Variants in KCNB2 observed in about 807,000 individuals in gnomAD.
The protein encoded by KCNB2 is potassium voltage-gated channel subfamily B member 2, also known as delayed rectifier potassium channel protein.
KCNB2 carries 15 observed loss-of-function variants against 61.5 expected under a neutral mutation model. That is an observed-to-expected ratio of 0.24 (90% CI 0.16 to 0.38). KCNB2 has a LOEUF of 0.38. KCNB2 is among the 10% of genes least tolerant of loss of function. The probability of loss-of-function intolerance (pLI) is 1.00; values close to 1 mark genes in which losing one functional copy is unlikely to be tolerated. For missense variants in KCNB2, 828 were observed against 1,125.2 expected (o/e 0.74, Z 3.78); for synonymous variants, 457 against 446.0 (o/e 1.02, Z -0.31).
chr8:72,602,539 T>C (rs745788948), intron 2 of KCNB2, among the ~76,000 whole-genome samples: 1 of 152,206 alleles, frequency 6.6e-6, no homozygotes, highest in African/African-American at 2.4e-5. Flanking sequence ...ATAGGCAGAC[T>C]CTAGTCATTT....
At chr8:72,706,640 A>G (rs956756802) in intron 2 of KCNB2, among the ~76,000 whole-genome samples, 2 of 152,104 alleles carry the variant, frequency 1.3e-5, no homozygotes, top group Non-Finnish European at 2.9e-5. Context: ...TGTGCTGAAC[A>G]CTCCATGAGT....
At chr8:72,764,582 GT>G (rs1475027177) in intron 2 of KCNB2, among the ~76,000 whole-genome samples, 1 of 152,180 alleles carries the variant, frequency 6.6e-6, no homozygotes, top group African/African-American at 2.4e-5. Flanking sequence ...CTTTTGGACA[GT>G]TGATGTACAC....
At chr8:72,596,781 T>C (rs1807198483) in intron 2 of KCNB2, among the ~76,000 whole-genome samples, 1 of 152,144 alleles carries the variant, frequency 6.6e-6, no homozygotes, top group African/African-American at 2.4e-5. Context: ...TAAAAAATCA[T>C]CTTCCATCAT....
chr8:72,681,593 A>G (rs1288875097), intron 2 of KCNB2, among the ~76,000 whole-genome samples: 1 of 152,182 alleles, frequency 6.6e-6, no homozygotes, highest in East Asian at 1.9e-4. Context: ...AAATAAGTAG[A>G]TGTACCCTCT....
Position 72,818,183 on chromosome 8 carries a change from CA to C in KCNB2, c.580-117748del, listed in dbSNP as rs1462546562. 8.5e-5 allele frequency among the ~76,000 whole-genome samples: 13 copies of C among 152,152 alleles called. 1 individual carries two copies. The highest frequency in any genetic ancestry group is 3.4e-3 in the Middle Eastern group (1 of 294). On this transcript the variant is annotated intron_variant, in intron 2 of 2. Transcript: ENST00000523207. ...TATCCTCCAACAACAACAACAACAA[CA>C]AAATCTTTAAAGAAAAAAATTATGG...
At chr8:72,813,131 A>G (rs1585907816) in intron 2 of KCNB2, among the ~76,000 whole-genome samples, 1 of 152,174 alleles carries the variant, frequency 6.6e-6, no homozygotes, top group African/African-American at 2.4e-5. Flanking sequence ...AAAATGGGGT[A>G]TTGGTTTCTA....
rs554191714 is a variant in KCNB2 at position 72,685,622 on chromosome 8, G to A, written c.579+117309G>A. Reference sequence around the variant, plus strand: ...GAAGGTAACATAGAAGAGGAATGTTGAAGCTAAGACCTGAAGATGAGTGGC... The same window carrying A: ...GAAGGTAACATAGAAGAGGAATGTTAAAGCTAAGACCTGAAGATGAGTGGC... On this transcript the variant is annotated intron_variant, in intron 2 of 2. Transcript: ENST00000523207. Among the ~76,000 whole-genome samples, 8 of 152,234 alleles carry A rather than the reference G, an allele frequency of 5.3e-5. No individual in the cohort carries two copies. In the South Asian group the frequency reaches 1.5e-3, roughly 28 times the overall value.
intron 2 of KCNB2, among the ~76,000 whole-genome samples, chr8:72,919,439 C>A (rs1806464174): frequency 6.6e-6 from 1 of 152,190 alleles, no homozygotes; most frequent in African/African-American, 2.4e-5. Context: ...TAAACTGGGA[C>A]TGATTCAAAA....
intron 2 of KCNB2, among the ~76,000 whole-genome samples, chr8:72,799,953 G>C (rs1322018720): frequency 6.6e-6 from 1 of 152,114 alleles, no homozygotes; most frequent in Non-Finnish European, 1.5e-5. Context: ...CATTTCCCTG[G>C]TCCATGTGCA....
chr8:72,701,108 C>CTT (rs1807116759), intron 2 of KCNB2, among the ~76,000 whole-genome samples: 1 of 152,094 alleles, frequency 6.6e-6, no homozygotes, highest in Admixed American at 6.6e-5. Context: ...AGTTGAAAAA[C>CTT]TAACTGTTGG....
intron 1 of KCNB2, among the ~76,000 whole-genome samples, chr8:72,551,549 GCT>G (rs1367892918): frequency 6.6e-6 from 1 of 152,118 alleles, no homozygotes; most frequent in African/African-American, 2.4e-5. Context: ...TACTTGGGAT[GCT>G]CTCTCTTCCC....
At chr8:72,625,830 G>C (rs372135451) in intron 2 of KCNB2, among the ~76,000 whole-genome samples, 1 of 152,118 alleles carries the variant, frequency 6.6e-6, no homozygotes, top group East Asian at 1.9e-4. Context: ...AGAATGGGAG[G>C]ACAGGGGTTG....
At chr8:72,548,447 T>A (rs971588576) in intron 1 of KCNB2, among the ~76,000 whole-genome samples, 2 of 152,204 alleles carry the variant, frequency 1.3e-5, no homozygotes, top group Non-Finnish European at 2.9e-5. Flanking sequence ...TGGACCCTGG[T>A]TTGCTATCTT....
At chr8:72,752,369 A>G (rs1171705208) in intron 2 of KCNB2, among the ~76,000 whole-genome samples, 2 of 152,126 alleles carry the variant, frequency 1.3e-5, no homozygotes, top group Non-Finnish European at 2.9e-5. Context: ...TCTGGAGGAG[A>G]TTAGTACTTA....
chr8:72,795,919 A>G (rs1585898076), intron 2 of KCNB2, among the ~76,000 whole-genome samples: 1 of 152,194 alleles, frequency 6.6e-6, no homozygotes, highest in African/African-American at 2.4e-5. Context: ...CTATAATTTG[A>G]AAGAGTTTGA....
At chr8:72,849,591 A>G (rs1161433089) in intron 2 of KCNB2, among the ~76,000 whole-genome samples, 2 of 152,190 alleles carry the variant, frequency 1.3e-5, no homozygotes, top group South Asian at 2.1e-4. Context: ...AAAAAAGAGA[A>G]TATAAACCAG....
intron 2 of KCNB2, among the ~76,000 whole-genome samples, chr8:72,813,095 A>G (rs1809332124): frequency 6.6e-6 from 1 of 152,192 alleles, no homozygotes; most frequent in African/African-American, 2.4e-5. Flanking sequence ...GGAACTCACC[A>G]TCTAATGGAA....
At chr8:72,588,294 C>G (rs1258778862) in intron 2 of KCNB2, among the ~76,000 whole-genome samples, 2 of 150,596 alleles carry the variant, frequency 1.3e-5, no homozygotes, top group African/African-American at 4.9e-5. Context: ...TCTTGGCTCA[C>G]CGCATCCTCC....
At chr8:72,800,116 A>G (rs952731162) in intron 2 of KCNB2, among the ~76,000 whole-genome samples, 1 of 152,170 alleles carries the variant, frequency 6.6e-6, no homozygotes, top group Non-Finnish European at 1.5e-5. Flanking sequence ...AATTATCTGT[A>G]TTTAAGTATA....
Sources: allele counts gnomAD v4.1 joint callset (sites outside exome capture counted in the v4.1 genomes callset), GRCh38; gene constraint gnomAD v4.1.1; transcripts MANE v1.5; gene names NCBI Gene and HGNC (gene_info 2026-07-23, HGNC 2026-07-21).